The following NCKAP5 variants were observed in gnomAD, a reference collection of about 807,000 sequenced individuals.
NCKAP5 encodes NCK associated protein 5.
A neutral mutation model predicts 167.0 loss-of-function variants in NCKAP5; 92 were observed. The ratio of observed to expected loss-of-function variants is 0.55; its 90% CI spans 0.47 to 0.66. The LOEUF is 0.66. NCKAP5 is among the 30% of genes least tolerant of loss of function. NCKAP5 has a pLI of 0.00. For synonymous variants in NCKAP5, 891 were observed against 877.4 expected (o/e 1.02, Z -0.27); for missense variants, 2,378 against 2,315.0 (o/e 1.03, Z -0.56).
chr2:132,845,908 G>T (rs12467823), intron 11 of NCKAP5, among the ~76,000 whole-genome samples: 11,940 of 152,022 alleles, frequency 0.079, 944 homozygotes, highest in African/African-American at 0.19. Flanking sequence ...TTCTCATCTC[G>T]TGGAGATATA....
At chr2:133,055,394 A>C (rs1209492547) in intron 6 of NCKAP5, among the ~76,000 whole-genome samples, 1 of 151,900 alleles carries the variant, frequency 6.6e-6, no homozygotes, top group African/African-American at 2.4e-5. Flanking sequence ...TTTTATCTTA[A>C]AGTATGGAAT....
intron 3 of NCKAP5, among the ~76,000 whole-genome samples, chr2:133,377,391 A>T (rs568250347): frequency 6.6e-6 from 1 of 152,368 alleles, no homozygotes; most frequent in East Asian, 1.9e-4. Context: ...TGACAGAGCA[A>T]GCTTCTTGAA....
At chr2:132,764,662 A>G (rs1681295914) in intron 16 of NCKAP5, among the ~76,000 whole-genome samples, 1 of 152,228 alleles carries the variant, frequency 6.6e-6, no homozygotes, top group African/African-American at 2.4e-5. Flanking sequence ...CCAGTCTGAT[A>G]GTAGCCAATA....
intron 3 of NCKAP5, among the ~76,000 whole-genome samples, chr2:133,378,966 C>T (rs1686337025): frequency 6.6e-6 from 1 of 152,144 alleles, no homozygotes; most frequent in African/African-American, 2.4e-5. Context: ...TATAAGAAAT[C>T]CTAGTAATAA....
intron 19 of NCKAP5, among the ~76,000 whole-genome samples, chr2:132,720,007 TG>T (rs1233396776): frequency 2.0e-5 from 3 of 152,106 alleles, no homozygotes; most frequent in Non-Finnish European, 4.4e-5. Flanking sequence ...TTACTAGAAT[TG>T]TTATTTTACT....
chr2:133,102,590 G>T (rs554786875), intron 6 of NCKAP5, among the ~76,000 whole-genome samples: 5 of 152,052 alleles, frequency 3.3e-5, no homozygotes, highest in African/African-American at 1.2e-4. Flanking sequence ...AGATCATTCC[G>T]CTCTCTCTTA....
intron 3 of NCKAP5, among the ~76,000 whole-genome samples, chr2:133,474,147 TCTATCTATAC>T (rs1324262186): frequency 1.3e-4 from 19 of 143,918 alleles, no homozygotes; most frequent in African/African-American, 5.0e-4. Flanking sequence ...TATCTATCTA[TCTATCTATAC>T]ACACACACAC....
chr2:133,224,341 A>G (rs1295310414), intron 4 of NCKAP5, among the ~76,000 whole-genome samples: 1 of 152,188 alleles, frequency 6.6e-6, no homozygotes, highest in Non-Finnish European at 1.5e-5. Flanking sequence ...ATCATGCTTC[A>G]GAACAAAGAT....
At chr2:133,469,982 T>C (rs1446649248) in intron 3 of NCKAP5, among the ~76,000 whole-genome samples, 1 of 151,702 alleles carries the variant, frequency 6.6e-6, no homozygotes, top group Admixed American at 6.6e-5. Context: ...CAGAGTAATT[T>C]GATCGTCTGA....
At chr2:133,567,667 G>C (rs1341510732) in intron 1 of NCKAP5, among the ~76,000 whole-genome samples, 5 of 114,122 alleles carry the variant, frequency 4.4e-5, no homozygotes, top group African/African-American at 1.2e-4. Context: ...CTGTGTGTGT[G>C]TGTGTGTGTG....
chr2:133,586,993 CCTGA>C, the NCKAP5 span, among the ~76,000 whole-genome samples: 15 of 152,068 alleles, frequency 9.9e-5, no homozygotes, highest in Non-Finnish European at 1.9e-4. Context: ...ATCTTTTAGC[CCTGA>C]CTAAGTATAC....
intron 8 of NCKAP5, among the ~76,000 whole-genome samples, chr2:132,944,039 C>T (rs962156512): frequency 2.0e-5 from 3 of 152,186 alleles, no homozygotes; most frequent in Non-Finnish European, 4.4e-5. Flanking sequence ...CCAGATGCCA[C>T]ACTCATAAGG....
chr2:132,682,569 G>A (rs1489551564), intron 19 of NCKAP5, among the ~76,000 whole-genome samples: 1 of 152,152 alleles, frequency 6.6e-6, no homozygotes, highest in African/African-American at 2.4e-5. Flanking sequence ...ATACCAGAAA[G>A]TGAGTCCCTG....
chr2:133,362,717 G>C (rs112503401), intron 3 of NCKAP5, among the ~76,000 whole-genome samples: 1,571 of 152,076 alleles, frequency 0.01, 31 homozygotes, highest in African/African-American at 0.035. Flanking sequence ...AGTGAATCTG[G>C]ATTGCAGCCA....
intron 1 of NCKAP5, among the ~76,000 whole-genome samples, chr2:133,559,841 A>G (rs980293048): frequency 1.3e-5 from 2 of 152,198 alleles, no homozygotes; most frequent in South Asian, 4.1e-4. Context: ...ATGTCTCAGG[A>G]AAAGAATGTT....
At chr2:133,007,477 A>G (rs1282342895) in intron 6 of NCKAP5, among the ~76,000 whole-genome samples, 1 of 152,156 alleles carries the variant, frequency 6.6e-6, no homozygotes, top group Admixed American at 6.5e-5. Context: ...AGTTTCAGCT[A>G]GTAATTGGTT....
In NCKAP5 at chr2:133,286,392, T is replaced by A. The variant is rs74482122; in HGVS notation, c.143+16645A>T. ...AATTAAAAAGTGGGTGGAGGAAGTATAGGAGTAGTGGAGAAAAAAGAAAGG... is the reference window on the plus strand; with the variant it reads ...AATTAAAAAGTGGGTGGAGGAAGTAAAGGAGTAGTGGAGAAAAAAGAAAGG... On this transcript the variant is annotated intron_variant, in intron 4 of 19. Coordinates refer to ENST00000409261, the MANE Select transcript of NCKAP5 (RefSeq NM_207363.3). Among the ~76,000 whole-genome samples, 208 of 152,240 alleles carry A rather than the reference T, an allele frequency of 1.4e-3. 3 individuals carry two copies. The East Asian group carries it at 0.037, about 27-fold the overall frequency.
At position 133,083,882 on chromosome 2, in the gene NCKAP5, T is replaced by C. The variant is rs115451435; in HGVS notation, c.341+46096A>G. On this transcript the variant is annotated intron_variant, in intron 6 of 19. Coordinates refer to ENST00000409261, the MANE Select transcript of NCKAP5 (RefSeq NM_207363.3). ...TTCAGTTCTAGGAATTCACAGTCAATTGAGGAAGAAAGGCAGAAGAACTTT... is the reference window on the plus strand; with the variant it reads ...TTCAGTTCTAGGAATTCACAGTCAACTGAGGAAGAAAGGCAGAAGAACTTT... Among the ~76,000 whole-genome samples, 577 of 152,218 alleles carry C rather than the reference T, an allele frequency of 3.8e-3. 5 individuals are homozygous for C. Among genetic ancestry groups the C allele is most frequent in the Non-Finnish European group, 6.4e-3 (433 of 68,002 alleles).
chr2:133,614,509 C>A, the NCKAP5 span, among the ~76,000 whole-genome samples: 4 of 152,014 alleles, frequency 2.6e-5, no homozygotes, highest in East Asian at 7.7e-4. Flanking sequence ...AATGCAGAAG[C>A]CTCAGGAGCC....
Sources: gnomAD v4.1 joint callset for allele counts (sites outside exome capture counted in the v4.1 genomes callset) on GRCh38, gnomAD v4.1.1 for gene constraint, MANE v1.5 for transcripts, NCBI Gene and HGNC (gene_info 2026-07-23, HGNC 2026-07-21) for gene names.